NCKAP5: variants seen among roughly 807,000 people sequenced by gnomAD.
NCKAP5 encodes nck-associated protein 5.
A neutral mutation model predicts 167.0 loss-of-function variants in NCKAP5; 92 were observed. The ratio of observed to expected loss-of-function variants is 0.55; its 90% CI spans 0.47 to 0.66. NCKAP5 has a LOEUF of 0.66. Ranked by LOEUF, NCKAP5 falls within the 30% of genes least tolerant of loss-of-function variation. NCKAP5 has a pLI of 0.00. For synonymous variants in NCKAP5, 891 were observed against 877.4 expected (o/e 1.02, Z -0.27); for missense variants, 2,378 against 2,315.0 (o/e 1.03, Z -0.56).
intron 8 of NCKAP5, among the ~76,000 whole-genome samples, chr2:132,934,539 T>C (rs1039933934): frequency 6.6e-6 from 1 of 152,048 alleles, no homozygotes; most frequent in African/African-American, 2.4e-5. Context: ...GTCATTGCAC[T>C]CCAGCTTGGG....
chr2:132,905,935 A>G (rs1443567595), intron 8 of NCKAP5, among the ~76,000 whole-genome samples: 1 of 152,190 alleles, frequency 6.6e-6, no homozygotes, highest in Non-Finnish European at 1.5e-5. Context: ...GACGCAGCAG[A>G]ACTCCAAAAA....
chr2:132,895,617 T>C (rs1285076878), intron 8 of NCKAP5, among the ~76,000 whole-genome samples: 12 of 151,804 alleles, frequency 7.9e-5, no homozygotes, highest in Admixed American at 7.9e-4. Context: ...ATGATGACAA[T>C]GACAGTCAAC....
the NCKAP5 span, among the ~76,000 whole-genome samples, chr2:133,580,186 C>A: frequency 2.0e-5 from 3 of 152,324 alleles, no homozygotes; most frequent in East Asian, 5.8e-4. Context: ...CTGGGATAAT[C>A]CAGGTCACTA....
At chr2:133,017,727 C>CA (rs35903585) in intron 6 of NCKAP5, among the ~76,000 whole-genome samples, 1 of 128,116 alleles carries the variant, frequency 7.8e-6, no homozygotes, top group African/African-American at 3.0e-5. Flanking sequence ...TTCTTCCCCG[C>CA]CCCCCCACTG....
intron 6 of NCKAP5, among the ~76,000 whole-genome samples, chr2:133,111,806 T>C (rs1484089192): frequency 6.6e-6 from 1 of 152,150 alleles, no homozygotes; most frequent in African/African-American, 2.4e-5. Context: ...GGCTAACAGA[T>C]TGCTTAAGTG....
chr2:133,280,177 G>A (rs1574587672), intron 4 of NCKAP5, among the ~76,000 whole-genome samples: 1 of 151,926 alleles, frequency 6.6e-6, no homozygotes, highest in African/African-American at 2.4e-5. Context: ...AATAACCTAA[G>A]TACAAACAGG....
At chr2:133,143,374 C>T (rs182210854) in intron 5 of NCKAP5, among the ~76,000 whole-genome samples, 3 of 152,226 alleles carry the variant, frequency 2.0e-5, no homozygotes, top group African/African-American at 7.2e-5. Context: ...TGCAAAGCAT[C>T]CACAAATTAC....
intron 5 of NCKAP5, among the ~76,000 whole-genome samples, chr2:133,160,671 T>A (rs942936446): frequency 4.6e-5 from 7 of 152,024 alleles, no homozygotes; most frequent in African/African-American, 1.7e-4. Flanking sequence ...AGCCAGTAAT[T>A]TACCCTCCAA....
At chr2:133,674,112 C>A in the NCKAP5 span, among the ~76,000 whole-genome samples, 2 of 152,036 alleles carry the variant, frequency 1.3e-5, no homozygotes, top group Non-Finnish European at 2.9e-5. Flanking sequence ...TGATTCAGAG[C>A]GAATTCCCAA....
chr2:133,204,561 A>C (rs2085857633), intron 5 of NCKAP5, among the ~76,000 whole-genome samples: 1 of 152,166 alleles, frequency 6.6e-6, no homozygotes, highest in Non-Finnish European at 1.5e-5. Flanking sequence ...AAATTGTTTG[A>C]CTTTCTCATT....
chr2:133,138,699 C>A (rs1229437180), intron 5 of NCKAP5, among the ~76,000 whole-genome samples: 3 of 152,176 alleles, frequency 2.0e-5, no homozygotes, highest in African/African-American at 4.8e-5. Flanking sequence ...GTTGCCTTGG[C>A]CTCCATTTTA....
chr2:132,859,903 C>T (rs575627767), intron 11 of NCKAP5, among the ~76,000 whole-genome samples: 7 of 152,186 alleles, frequency 4.6e-5, no homozygotes, highest in East Asian at 3.9e-4. Flanking sequence ...AGCTTCAAAT[C>T]GACTCAAATG....
intron 11 of NCKAP5, among the ~76,000 whole-genome samples, chr2:132,854,668 G>T (rs1011291214): frequency 1.3e-5 from 2 of 152,204 alleles, no homozygotes; most frequent in Non-Finnish European, 2.9e-5. Context: ...AGCTGCTATA[G>T]CTTCCCACAT....
intron 2 of NCKAP5, among the ~76,000 whole-genome samples, chr2:133,534,278 A>G (rs1685586221): frequency 6.6e-6 from 1 of 152,196 alleles, no homozygotes; most frequent in Non-Finnish European, 1.5e-5. Context: ...CAATATCACA[A>G]TTTTAAAAGA....
intron 8 of NCKAP5, among the ~76,000 whole-genome samples, chr2:132,940,655 T>C (rs2149097881): frequency 6.6e-6 from 1 of 152,314 alleles, no homozygotes; most frequent in East Asian, 1.9e-4. Context: ...TCATTGTAGG[T>C]ATCATTGTGG....
chr2:133,165,879 T>C (rs529667547), intron 5 of NCKAP5, among the ~76,000 whole-genome samples: 7 of 152,322 alleles, frequency 4.6e-5, no homozygotes, highest in South Asian at 4.1e-4. Flanking sequence ...ACTTCTCAGA[T>C]CAGTTTATAC....
chr2:132,677,318 T>G (rs987914765), intron 19 of NCKAP5, among the ~76,000 whole-genome samples: 1 of 152,190 alleles, frequency 6.6e-6, no homozygotes, highest in African/African-American at 2.4e-5. Flanking sequence ...TAAAATATTT[T>G]CCTGCCTTTA....
chr2:132,768,644 T>G (rs1681734177), intron 16 of NCKAP5, among the ~76,000 whole-genome samples: 1 of 148,468 alleles, frequency 6.7e-6, no homozygotes, highest in Non-Finnish European at 1.5e-5. Flanking sequence ...TATCTTTTTT[T>G]TTTTTTTTTT....
chr2:133,320,892 C>A (rs1461352523), intron 3 of NCKAP5, among the ~76,000 whole-genome samples: 1 of 152,176 alleles, frequency 6.6e-6, no homozygotes, highest in Non-Finnish European at 1.5e-5. Context: ...CACTCTACCA[C>A]AATCACACGT....
Sources: gnomAD v4.1 joint callset for allele counts (sites outside exome capture counted in the v4.1 genomes callset) on GRCh38, gnomAD v4.1.1 for gene constraint, MANE v1.5 for transcripts, NCBI Gene and HGNC (gene_info 2026-07-23, HGNC 2026-07-21) for gene names.